Variants in SOX5 observed in about 807,000 individuals in gnomAD.
SOX5 encodes the protein transcription factor SOX-5.
A neutral mutation model predicts 92.0 loss-of-function variants in SOX5; 9 were observed. The observed-to-expected ratio is 0.10, with a 90% CI of 0.06 to 0.17. The LOEUF is 0.17. SOX5 is among the 10% of genes least tolerant of loss of function. SOX5 has a pLI of 1.00. For synonymous variants in SOX5, 344 were observed against 336.3 expected, an observed-to-expected ratio of 1.02 and a Z score of -0.25; for missense variants, 642 against 944.5, an observed-to-expected ratio of 0.68 and a Z score of 4.20.
chr12:24,143,931 A>G (rs1433203971), intron 4 of SOX5, among the ~76,000 whole-genome samples: 1 of 152,096 alleles, frequency 6.6e-6, no homozygotes, highest in African/African-American at 2.4e-5. Context: ...CTATATTGCT[A>G]AACAATTTTC....
chr12:23,796,519 A>C lies in SOX5; in HGVS notation c.482-40795T>G, dbSNP rs74482430. On this transcript the variant is annotated intron_variant, in intron 3 of 14. Coordinates refer to ENST00000451604, the MANE Select transcript of SOX5 (RefSeq NM_006940.6). ...TAATGACACTGAAAGCTGTAGAACA[A>C]GCAGGCACCAAATATAAGTATCACT... is the stretch of plus-strand genomic sequence containing the variant. 7.8e-3 allele frequency among the ~76,000 whole-genome samples: 1,190 copies of C among 152,186 alleles called. 32 individuals carry two copies. The highest frequency in any genetic ancestry group is 0.043 in the Admixed American group (652 of 15,246).
chr12:23,891,595 A>T (rs986938924), intron 2 of SOX5, among the ~76,000 whole-genome samples: 4 of 106,972 alleles, frequency 3.7e-5, no homozygotes, highest in Non-Finnish European at 7.9e-5. Flanking sequence ...ATACACAATG[A>T]AAAGCTGCCT....
At chr12:24,140,836 T>G (rs1950520910) in intron 4 of SOX5, among the ~76,000 whole-genome samples, 1 of 152,140 alleles carries the variant, frequency 6.6e-6, no homozygotes, top group African/African-American at 2.4e-5. Flanking sequence ...TAAAAACAAC[T>G]GAAATTGCTC....
intron 4 of SOX5, among the ~76,000 whole-genome samples, chr12:24,168,854 A>C (rs1042557029): frequency 3.3e-5 from 5 of 152,180 alleles, no homozygotes; most frequent in Non-Finnish European, 7.4e-5. Flanking sequence ...ATTCTTTTGT[A>C]TGTATTTCTG....
rs918097157 is a variant in SOX5 at position 23,534,664 on chromosome 12, A to G, written c.1989-142T>C. ...AATTGCCTAACATTTTTCAAACTCC[A>G]TCCTACTTGAACTTTAATACCTTGT... is the stretch of plus-strand genomic sequence containing the variant. On this transcript the variant is annotated intron_variant, in intron 14 of 14. Coordinates refer to ENST00000451604, the MANE Select transcript of SOX5 (RefSeq NM_006940.6). The G allele has an allele frequency of 1.1e-5, 7 of 622,044 alleles. 1 individual carries two copies. Among genetic ancestry groups the G allele is most frequent in the African/African-American group, 9.4e-5 (5 of 53,122 alleles). The allele number at this position is 622,044 out of a possible 1,614,324, so 38.5% of individuals were successfully genotyped here.
In SOX5 at chr12:24,100,704, G is replaced by T. The variant is rs368788873; in HGVS notation, c.-2+112639C>A. On this transcript the variant is annotated intron_variant, in intron 4 of 4. Coordinates refer to the SOX5 transcript ENST00000446891. ...ATTTAATAAACTACTTGACATCTTG[G>T]CTTTGATATACAATAGGATTTTATA... Among the ~76,000 whole-genome samples the T allele has an allele frequency of 4.6e-4, 70 of 152,112 alleles. No homozygotes were observed. The East Asian group carries it at 6.6e-3, about 14-fold the overall frequency.
rs113358178 is a variant in SOX5 at position 24,539,142 on chromosome 12, A to G, written c.-251+23187T>C. ...TTACAAAAACAAATTAGCCAATTTC[A>G]TTAATATAAACCAACGTGTTTAAAA... On this transcript the variant is annotated intron_variant, in intron 1 of 4. Coordinates refer to the SOX5 transcript ENST00000446891. Among the ~76,000 whole-genome samples, 120 of 152,304 alleles carry G rather than the reference A, an allele frequency of 7.9e-4. 1 individual carries two copies. The highest frequency in any genetic ancestry group is 2.6e-3 in the African/African-American group (108 of 41,574).
chr12:24,442,443 A>T (rs954552009), intron 1 of SOX5, among the ~76,000 whole-genome samples: 1 of 152,252 alleles, frequency 6.6e-6, no homozygotes, highest in African/African-American at 2.4e-5. Context: ...AATATATTGT[A>T]TATTAGAAGG....
At chr12:23,853,017 A>T (rs1408085176) in intron 2 of SOX5, among the ~76,000 whole-genome samples, 1 of 151,902 alleles carries the variant, frequency 6.6e-6, no homozygotes, top group Non-Finnish European at 1.5e-5. Context: ...AAGTAATGGG[A>T]CAAGAATTTG....
At chr12:24,098,014 T>C (rs2137912649) in intron 4 of SOX5, among the ~76,000 whole-genome samples, 1 of 152,282 alleles carries the variant, frequency 6.6e-6, no homozygotes, top group Admixed American at 6.5e-5. Flanking sequence ...GGTTTCCTAC[T>C]TTACCAACTT....
At chr12:24,027,471 G>T (rs1027193065) in intron 4 of SOX5, among the ~76,000 whole-genome samples, 4 of 151,878 alleles carry the variant, frequency 2.6e-5, no homozygotes, top group African/African-American at 7.3e-5. Context: ...TCCCCAACAT[G>T]CAGTAAATGA....
intron 3 of SOX5, among the ~76,000 whole-genome samples, chr12:23,768,544 A>T (rs1484906020): frequency 6.6e-6 from 1 of 152,208 alleles, no homozygotes; most frequent in Non-Finnish European, 1.5e-5. Flanking sequence ...GATGATTTAA[A>T]TGAAACATTG....
At chr12:23,785,127 T>C (rs2095355851) in intron 3 of SOX5, among the ~76,000 whole-genome samples, 1 of 152,194 alleles carries the variant, frequency 6.6e-6, no homozygotes, top group Non-Finnish European at 1.5e-5. Context: ...ACTTTGCGCA[T>C]CTTCTTTGAG....
chr12:23,746,305 C>A (rs977700658), intron 4 of SOX5, among the ~76,000 whole-genome samples: 1 of 151,862 alleles, frequency 6.6e-6, no homozygotes, highest in Admixed American at 6.6e-5. Context: ...CAGAGGCCTC[C>A]CAGCAAAAAG....
intron 7 of SOX5, among the ~76,000 whole-genome samples, chr12:23,654,963 G>C (rs1020516926): frequency 7.2e-5 from 11 of 151,966 alleles, no homozygotes; most frequent in Non-Finnish European, 1.5e-4. Flanking sequence ...TTTTCAATAA[G>C]AGATTTTTTA....
chr12:23,725,932 T>G (rs1292469009), intron 6 of SOX5, among the ~76,000 whole-genome samples: 1 of 152,214 alleles, frequency 6.6e-6, no homozygotes, highest in Non-Finnish European at 1.5e-5. Flanking sequence ...TTTCCACTTC[T>G]AGAATACTCT....
intron 4 of SOX5, among the ~76,000 whole-genome samples, chr12:24,088,067 T>C (rs1270185805): frequency 1.3e-5 from 2 of 151,880 alleles, no homozygotes; most frequent in African/African-American, 4.8e-5. Flanking sequence ...AAGCAATGGG[T>C]AATAATCTCT....
At chr12:23,548,142 T>C (rs1943496512) in intron 11 of SOX5, among the ~76,000 whole-genome samples, 1 of 152,030 alleles carries the variant, frequency 6.6e-6, no homozygotes, top group African/African-American at 2.4e-5. Flanking sequence ...GATTTAACAG[T>C]ATAGGGCAAT....
chr12:24,359,103 G>T (rs550338), intron 2 of SOX5, among the ~76,000 whole-genome samples: 1 of 151,948 alleles, frequency 6.6e-6, no homozygotes, highest in African/African-American at 2.4e-5. Context: ...CAGTGACTAC[G>T]TTTGCTTTGG....
Sources: allele counts gnomAD v4.1 joint callset (sites outside exome capture counted in the v4.1 genomes callset), GRCh38; gene constraint gnomAD v4.1.1; transcripts MANE v1.5; gene names NCBI Gene and HGNC (gene_info 2026-07-23, HGNC 2026-07-21).